MED15: variants seen among roughly 807,000 people sequenced by gnomAD.
MED15 encodes the protein mediator complex subunit 15, also known as mediator of RNA polymerase II transcription subunit 15.
A neutral mutation model predicts 118.7 loss-of-function variants in MED15; 41 were observed. The observed-to-expected ratio is 0.35, with a 90% CI of 0.27 to 0.45. MED15 has a LOEUF of 0.45. Ranked by LOEUF, MED15 falls within the 20% of genes least tolerant of loss-of-function variation. The pLI, the probability that MED15 is intolerant of heterozygous loss-of-function variation, is 1.00. For missense variants in MED15, 740 were observed against 1,025.5 expected (o/e 0.72, Z 3.80); for synonymous variants, 436 against 413.9 (o/e 1.05, Z -0.65).
chr22:20,535,613 G>A (rs2055037282), intron 1 of MED15, among the ~76,000 whole-genome samples: 1 of 150,092 alleles, frequency 6.7e-6, no homozygotes, highest in Admixed American at 6.6e-5. Context: ...AGGCTGAAGT[G>A]CAGTGGCGCA....
chr22:20,567,118 G>A (rs2056473330), intron 7 of MED15, among the ~76,000 whole-genome samples: 1 of 152,218 alleles, frequency 6.6e-6, no homozygotes, highest in Non-Finnish European at 1.5e-5. Context: ...CCCTTTCAGG[G>A]TGTGAGCACT....
intron 1 of MED15, 146 bp downstream of exon 1, chr22:20,507,892 C>T (rs1601415806): frequency 2.7e-6 from 4 of 1,480,136 alleles, no homozygotes; most frequent in Non-Finnish European, 3.6e-6. Context: ...GGCTCGGGCC[C>T]CCCCGTCTGT....
At chr22:20,544,536 G>A (rs1050616850) in intron 2 of MED15, among the ~76,000 whole-genome samples, 8 of 152,036 alleles carry the variant, frequency 5.3e-5, no homozygotes, top group Admixed American at 1.3e-4. Flanking sequence ...GCGTGGTGGC[G>A]GGCGCCTGGA....
intron 1 of MED15, among the ~76,000 whole-genome samples, chr22:20,532,359 C>T (rs996080797): frequency 1.2e-4 from 18 of 152,094 alleles, no homozygotes; most frequent in Admixed American, 8.5e-4. Flanking sequence ...CAGGCAGGGT[C>T]GGGCAATGCC....
Position 20,508,433 on chromosome 22 carries a change from A to G in MED15, c.68+687A>G, listed in dbSNP as rs544224813. ...GCGCGTCCGTGTGAAGAGACCACCA[A>G]ACAGGCTTTGTGTGAGCAATAAAGC... On this transcript the variant is annotated intron_variant, in intron 1 of 17. Coordinates refer to ENST00000263205, the MANE Select transcript of MED15 (RefSeq NM_001003891.3). The G allele has an allele frequency of 9.8e-5, 127 of 1,300,868 alleles. No individual in the cohort carries two copies. In the African/African-American group the frequency reaches 1.8e-3, roughly 18 times the overall value. The allele number at this position is 1,300,868 out of a possible 1,614,324, so 80.6% of individuals were successfully genotyped here. A position where few individuals can be genotyped will look rare whatever the true frequency, so the allele number is the denominator to read the frequency against.
At chr22:20,517,783 T>G (rs1483273386) in intron 1 of MED15, among the ~76,000 whole-genome samples, 1 of 151,998 alleles carries the variant, frequency 6.6e-6, no homozygotes, top group African/African-American at 2.4e-5. Context: ...TCACCTCAGG[T>G]AGAGATGGCA....
At chr22:20,552,541 A>T in intron 3 of MED15, 1 of 459,188 alleles carries the variant, frequency 2.2e-6, no homozygotes, top group Non-Finnish European at 4.5e-6. Context: ...GCTTTCAGGG[A>T]CAGTGGCCTG....
intron 9 of MED15, among the ~76,000 whole-genome samples, chr22:20,575,756 A>C (rs1459100285): frequency 2.1e-5 from 3 of 140,154 alleles, no homozygotes; most frequent in Non-Finnish European, 4.8e-5. Flanking sequence ...AAATGTATAT[A>C]TATTTTAAAA....
At chr22:20,577,537 AC>A (rs2056858178) in intron 9 of MED15, among the ~76,000 whole-genome samples, 1 of 151,836 alleles carries the variant, frequency 6.6e-6, no homozygotes, top group Non-Finnish European at 1.5e-5. Context: ...GAAGCTTCCA[AC>A]CCCCAAAGGC....
rs2055111439 is a variant in MED15 at position 20,537,186 on chromosome 22, C to T, written c.138C>T (p.Phe46=). ...KSSKDMESHV[F]LKAKTRDEYL... Reference sequence around the variant, plus strand: ...GCAAGGATATGGAGAGCCATGTTTTCCTGAAGGCCAAGACCCGGGTAAGGC... The same window carrying T: ...GCAAGGATATGGAGAGCCATGTTTTTCTGAAGGCCAAGACCCGGGTAAGGC... The change falls in exon 2 of 18, where the codon TTC becomes TTT. Residue 46 remains phenylalanine, a synonymous_variant. Transcript: ENST00000263205. 3.1e-6 allele frequency: 5 copies of T among 1,613,802 alleles called. No individual in the cohort carries two copies. Among genetic ancestry groups the T allele is most frequent in the Non-Finnish European group, 4.2e-6 (5 of 1,179,848 alleles).
intron 1 of MED15, among the ~76,000 whole-genome samples, chr22:20,528,929 G>T (rs1220405420): frequency 2.0e-5 from 3 of 152,156 alleles, no homozygotes; most frequent in Non-Finnish European, 4.4e-5. Context: ...TAAAGTTGGG[G>T]AGTGAGGGAT....
intron 5 of MED15, among the ~76,000 whole-genome samples, chr22:20,563,404 G>T (rs1284973439): frequency 6.6e-6 from 1 of 152,142 alleles, no homozygotes; most frequent in Non-Finnish European, 1.5e-5. Context: ...GTAAAAAGCC[G>T]ATCCCAAAAA....
chr22:20,535,347 A>G (rs1338791527), intron 1 of MED15, among the ~76,000 whole-genome samples: 1 of 152,136 alleles, frequency 6.6e-6, no homozygotes, highest in Non-Finnish European at 1.5e-5. Flanking sequence ...ACCTCTCAGC[A>G]TTAAACCTCC....
At chr22:20,515,895 T>C (rs908093756) in intron 1 of MED15, among the ~76,000 whole-genome samples, 9 of 151,566 alleles carry the variant, frequency 5.9e-5, no homozygotes, top group African/African-American at 2.2e-4. Flanking sequence ...CCCAGCTACT[T>C]GGGAGGCTGA....
intron 9 of MED15, chr22:20,582,118 T>A (rs954720607): frequency 1.5e-5 from 3 of 198,386 alleles, no homozygotes; most frequent in Non-Finnish European, 3.1e-5. Context: ...CCACAACAGA[T>A]GGCTGTAGCC....
At chr22:20,557,077 A>T (rs941822194) in intron 5 of MED15, among the ~76,000 whole-genome samples, 2 of 152,224 alleles carry the variant, frequency 1.3e-5, no homozygotes, top group African/African-American at 4.8e-5. Context: ...ATATCTGTGT[A>T]CAGGCTTCAG....
intron 1 of MED15, among the ~76,000 whole-genome samples, chr22:20,526,072 A>G (rs543324427): frequency 6.6e-6 from 1 of 152,036 alleles, no homozygotes; most frequent in Non-Finnish European, 1.5e-5. Flanking sequence ...GGCATGCACC[A>G]CTATGACTGG....
rs1601646377 is a variant in MED15, at chr22:20,582,832, G to A, written c.1410-8G>A. The A allele has an allele frequency of 6.2e-7, 1 of 1,610,424 alleles. No homozygotes were observed. The highest frequency in any genetic ancestry group is 8.5e-7 in the Non-Finnish European group (1 of 1,179,328). On this transcript the variant is annotated splice_region_variant and splice_polypyrimidine_tract_variant and intron_variant, in intron 10 of 17. Coordinates refer to ENST00000263205, the MANE Select transcript of MED15 (RefSeq NM_001003891.3). ...CCCGGCTCACATGTTTCTCTCACTT[G>A]GCTGCAGCTCTGGCCCTGCCCCATC...
At chr22:20,513,425 C>G (rs537565090) in intron 1 of MED15, among the ~76,000 whole-genome samples, 3 of 151,646 alleles carry the variant, frequency 2.0e-5, no homozygotes, top group African/African-American at 7.3e-5. Flanking sequence ...ATTACAGGCA[C>G]CCGCCACCAC....
Sources: allele counts gnomAD v4.1 joint callset (sites outside exome capture counted in the v4.1 genomes callset), GRCh38; gene constraint gnomAD v4.1.1; transcripts MANE v1.5; gene names NCBI Gene and HGNC (gene_info 2026-07-23, HGNC 2026-07-21).